AUTS2: variants seen among roughly 807,000 people sequenced by gnomAD.
AUTS2 encodes autism susceptibility gene 2 protein.
A neutral mutation model predicts 112.4 loss-of-function variants in AUTS2; 17 were observed. The observed-to-expected ratio is 0.15, with a 90% CI of 0.10 to 0.23. The LOEUF is 0.23. Ranked by LOEUF, AUTS2 falls within the 10% of genes least tolerant of loss-of-function variation. The pLI, the probability that AUTS2 is intolerant of heterozygous loss-of-function variation, is 1.00. For missense variants in AUTS2, 1,510 were observed against 1,701.6 expected, an observed-to-expected ratio of 0.89 and a Z score of 1.98; for synonymous variants, 751 against 702.7, an observed-to-expected ratio of 1.07 and a Z score of -1.09.
chr7:69,801,877 G>C (rs1440130646), intron 1 of AUTS2, among the ~76,000 whole-genome samples: 3 of 152,118 alleles, frequency 2.0e-5, no homozygotes, highest in Non-Finnish European at 4.4e-5. Context: ...AGGAAAGGGG[G>C]CCAGGAAATG....
chr7:70,080,279 A>G (rs986710007), intron 2 of AUTS2, among the ~76,000 whole-genome samples: 1 of 152,154 alleles, frequency 6.6e-6, no homozygotes, highest in Admixed American at 6.6e-5. Context: ...GTATTTTGAA[A>G]CTGTTTCCAA....
intron 4 of AUTS2, among the ~76,000 whole-genome samples, chr7:70,419,715 G>T (rs1215390697): frequency 6.6e-6 from 1 of 152,154 alleles, no homozygotes; most frequent in Non-Finnish European, 1.5e-5. Flanking sequence ...TTTCCAAATA[G>T]AAATTGACAT....
At chr7:70,155,374 T>C (rs1043645465) in intron 4 of AUTS2, among the ~76,000 whole-genome samples, 1 of 151,948 alleles carries the variant, frequency 6.6e-6, no homozygotes. Context: ...AAATCAAGTT[T>C]CTGACTGCAT....
intron 5 of AUTS2, among the ~76,000 whole-genome samples, chr7:70,483,753 A>T (rs949362098): frequency 6.6e-6 from 1 of 152,170 alleles, no homozygotes; most frequent in Non-Finnish European, 1.5e-5. Flanking sequence ...GAGATGTCTC[A>T]TCAGCTCAGA....
At chr7:69,969,642 G>T (rs554513807) in intron 2 of AUTS2, among the ~76,000 whole-genome samples, 1 of 152,226 alleles carries the variant, frequency 6.6e-6, no homozygotes, top group African/African-American at 2.4e-5. Flanking sequence ...TAAACACAGG[G>T]ACAGCATTGA....
chr7:70,184,657 G>A (rs780540288), intron 4 of AUTS2, among the ~76,000 whole-genome samples: 1 of 152,006 alleles, frequency 6.6e-6, no homozygotes, highest in Non-Finnish European at 1.5e-5. Flanking sequence ...AAATTTTTAG[G>A]CTTCTTCAGC....
At chr7:70,745,162 A>G (rs542968476) in intron 6 of AUTS2, among the ~76,000 whole-genome samples, 27 of 152,172 alleles carry the variant, frequency 1.8e-4, no homozygotes, top group Admixed American at 9.8e-4. Flanking sequence ...GTATTTCACT[A>G]TCATTACGGA....
intron 2 of AUTS2, among the ~76,000 whole-genome samples, chr7:70,079,254 G>A (rs565070778): frequency 6.6e-6 from 1 of 152,242 alleles, no homozygotes; most frequent in African/African-American, 2.4e-5. Flanking sequence ...GAACTGGCTC[G>A]TTAACAATTC....
chr7:70,270,310 G>C (rs1003303939), intron 4 of AUTS2, among the ~76,000 whole-genome samples: 1 of 152,154 alleles, frequency 6.6e-6, no homozygotes, highest in South Asian at 2.1e-4. Context: ...TTCACAGAGG[G>C]TGTGGAGTTA....
chr7:70,212,758 C>A (rs953502338), intron 4 of AUTS2, among the ~76,000 whole-genome samples: 5 of 152,118 alleles, frequency 3.3e-5, no homozygotes, highest in African/African-American at 1.2e-4. Flanking sequence ...TTTAGGCACA[C>A]TGAATAGAAA....
intron 4 of AUTS2, among the ~76,000 whole-genome samples, chr7:70,318,383 T>C (rs1790098294): frequency 6.6e-6 from 1 of 152,078 alleles, no homozygotes; most frequent in South Asian, 2.1e-4. Context: ...TAACAGGACC[T>C]ACCGACTAGA....
chr7:69,779,449 A>G (rs186037574), intron 1 of AUTS2, among the ~76,000 whole-genome samples: 212 of 152,252 alleles, frequency 1.4e-3, no homozygotes, highest in African/African-American at 5.0e-3. Flanking sequence ...TGTTCAAAAT[A>G]AAGGAGTATA....
chr7:70,183,425 G>T (rs781716349), intron 4 of AUTS2, among the ~76,000 whole-genome samples: 1 of 152,200 alleles, frequency 6.6e-6, no homozygotes, highest in Non-Finnish European at 1.5e-5. Context: ...GGTGACAAAT[G>T]TGTTAATTAT....
chr7:69,909,090 A>G (rs1795255848), intron 2 of AUTS2, among the ~76,000 whole-genome samples: 1 of 152,214 alleles, frequency 6.6e-6, no homozygotes, highest in Non-Finnish European at 1.5e-5. Context: ...CAATATTGTT[A>G]GCAAAACTTG....
At chr7:69,784,218 G>C (rs1270649516) in intron 1 of AUTS2, among the ~76,000 whole-genome samples, 1 of 152,192 alleles carries the variant, frequency 6.6e-6, no homozygotes, top group East Asian at 1.9e-4. Flanking sequence ...TAGTTTTGGA[G>C]AGATCTAGGC....
chr7:70,337,601 G>A (rs967326907), intron 4 of AUTS2, among the ~76,000 whole-genome samples: 1 of 152,168 alleles, frequency 6.6e-6, no homozygotes, highest in Non-Finnish European at 1.5e-5. Context: ...TTTTTTAAAG[G>A]CATTTTTGAA....
At chr7:70,056,204 C>T (rs1484701439) in intron 2 of AUTS2, among the ~76,000 whole-genome samples, 4 of 152,058 alleles carry the variant, frequency 2.6e-5, no homozygotes, top group African/African-American at 7.2e-5. Flanking sequence ...AGGCTGGTCT[C>T]GAACTCCGGA....
At chr7:70,662,541 C>T (rs10282280) in intron 5 of AUTS2, among the ~76,000 whole-genome samples, 24,839 of 152,074 alleles carry the variant, frequency 0.16, 2,207 homozygotes, top group Middle Eastern at 0.25. Context: ...GAGAGAGAAA[C>T]GGGCTTCATG....
At chr7:69,900,824 A>G (rs1638514449) in intron 2 of AUTS2, among the ~76,000 whole-genome samples, 1 of 152,150 alleles carries the variant, frequency 6.6e-6, no homozygotes, top group African/African-American at 2.4e-5. Flanking sequence ...CCAAAGGTAC[A>G]CTTGTGTCCT....
Sources: allele counts gnomAD v4.1 joint callset (sites outside exome capture counted in the v4.1 genomes callset), GRCh38; gene constraint gnomAD v4.1.1; transcripts MANE v1.5; gene names NCBI Gene and HGNC (gene_info 2026-07-23, HGNC 2026-07-21).